The following RNF114 variants were observed in gnomAD, a reference collection of about 807,000 sequenced individuals.
The protein encoded by RNF114 is E3 ubiquitin-protein ligase RNF114.
In RNF114, 6 loss-of-function variants were observed where a neutral mutation model predicts 28.4. The ratio of observed to expected loss-of-function variants is 0.21; its 90% CI spans 0.12 to 0.42. The LOEUF (loss-of-function observed/expected upper bound fraction) is 0.42, where lower values mean the gene tolerates loss of function less well. RNF114 is among the 10% of genes least tolerant of loss of function. The probability of loss-of-function intolerance (pLI) is 1.00; values close to 1 mark genes in which losing one functional copy is unlikely to be tolerated. For missense variants in RNF114, 249 were observed against 311.7 expected, an observed-to-expected ratio of 0.80 and a Z score of 1.51; for synonymous variants, 115 against 116.7, an observed-to-expected ratio of 0.99 and a Z score of 0.09.
Position 49,953,563 on chromosome 20 carries a change from G to C in RNF114, c.*1422G>C. 1 of 152,058 alleles carries C rather than the reference G, an allele frequency of 6.6e-6. No individual in the cohort carries two copies. The highest frequency in any genetic ancestry group is 1.9e-4 in the East Asian group (1 of 5,186). The allele number at this position is 152,058 out of a possible 1,614,324, so 9.4% of individuals were successfully genotyped here. A position where few individuals can be genotyped will look rare whatever the true frequency, so the allele number is the denominator to read the frequency against. On this transcript the variant is annotated 3_prime_UTR_variant, in exon 6 of 6. Coordinates refer to ENST00000244061, the MANE Select transcript of RNF114 (RefSeq NM_018683.4). ...AAGCCAGCAAACACAGGGCCCACTG[G>C]AAAAAAATAGTTTTTTCATTAGTAT... is the stretch of plus-strand genomic sequence containing the variant.
intron 4 of RNF114, among the ~76,000 whole-genome samples, chr20:49,948,257 CTG>C (rs1465132149): frequency 1.3e-5 from 2 of 152,076 alleles, no homozygotes; most frequent in African/African-American, 4.8e-5. Context: ...CCCTTTATCA[CTG>C]TATCTTCCTT....
chr20:49,951,012 T>C (rs935661423), intron 5 of RNF114, among the ~76,000 whole-genome samples: 28 of 152,196 alleles, frequency 1.8e-4, no homozygotes, highest in African/African-American at 6.5e-4. Context: ...ATTCTTTCCC[T>C]AGAGCTGGAT....
At chr20:49,946,275 T>A (rs893172052) in intron 4 of RNF114, 25 bp downstream of exon 4, 38 of 1,150,042 alleles carry the variant, frequency 3.3e-5, no homozygotes, top group Non-Finnish European at 3.7e-5. Context: ...TTTTTTTTTT[T>A]AAACTTCATT....
chr20:49,943,239 A>G (rs187114555), intron 2 of RNF114, among the ~76,000 whole-genome samples: 1 of 152,230 alleles, frequency 6.6e-6, no homozygotes, highest in African/African-American at 2.4e-5. Flanking sequence ...GCTCATGCCT[A>G]TATCCTATCA....
intron 1 of RNF114, among the ~76,000 whole-genome samples, chr20:49,939,548 AC>A (rs1161746148): frequency 6.6e-6 from 1 of 152,104 alleles, no homozygotes; most frequent in Non-Finnish European, 1.5e-5. Context: ...TCTCAGCATT[AC>A]CATCTTCCTA....
At chr20:49,951,285 T>TG (rs201963091) in intron 5 of RNF114, among the ~76,000 whole-genome samples, 6,733 of 147,024 alleles carry the variant, frequency 0.046, 170 homozygotes, top group East Asian at 0.1. Flanking sequence ...CACAGATGAA[T>TG]TACATTCATC....
intron 1 of RNF114, 57 bp downstream of exon 1, chr20:49,936,609 C>G (rs1421624870): frequency 7.1e-6 from 11 of 1,552,658 alleles, no homozygotes; most frequent in African/African-American, 1.4e-5. Context: ...GGAATGGAGC[C>G]GAGGAGCGAG....
rs1343355471 is a variant in RNF114, at chr20:49,946,258, A to AT, written c.513+8_513+9insT. ...ACGGATACCAAATCTGTGGTGAGTA[A>AT]CCTTTTTTTTTTTTTTTAAACTTCA... is the stretch of plus-strand genomic sequence containing the variant. On this transcript the variant is annotated intron_variant, in intron 4 of 5. Transcript: ENST00000244061. The AT allele has an allele frequency of 6.6e-6, 9 of 1,357,826 alleles. No homozygotes were observed. The highest frequency in any genetic ancestry group is 9.1e-6 in the Non-Finnish European group (9 of 985,384). 84.1% of individuals were successfully genotyped at this position (1,357,826 alleles called of 1,614,324 possible).
chr20:49,950,441 G>A (rs1600872921), intron 5 of RNF114, among the ~76,000 whole-genome samples: 1 of 152,024 alleles, frequency 6.6e-6, no homozygotes, highest in South Asian at 2.1e-4. Context: ...GCATTTTTGG[G>A]AGGCTGAGGC....
intron 3 of RNF114, 103 bp from the exon 4 acceptor site, chr20:49,946,033 A>G (rs964727968): frequency 5.1e-6 from 3 of 584,832 alleles, no homozygotes; most frequent in African/African-American, 3.8e-5. Context: ...TTATCATTAC[A>G]CATTTGGTGA....
At chr20:49,942,823 C>T (rs962578267) in intron 2 of RNF114, among the ~76,000 whole-genome samples, 3 of 151,482 alleles carry the variant, frequency 2.0e-5, no homozygotes, top group African/African-American at 7.3e-5. Flanking sequence ...GACCCTGTCT[C>T]AAGGAAAAAA....
At position 49,952,516 on chromosome 20, in the gene RNF114, T is replaced by C. The variant is rs753312763; in HGVS notation, c.*375T>C. 2.4e-6 allele frequency: 1 copy of C among 422,354 alleles called. No individual in the cohort carries two copies. The highest frequency in any genetic ancestry group is 4.2e-6 in the Non-Finnish European group (1 of 235,622). The allele number at this position is 422,354 out of a possible 1,614,324, so 26.2% of individuals were successfully genotyped here. A position where few individuals can be genotyped will look rare whatever the true frequency, so the allele number is the denominator to read the frequency against. ...GGTCCTTCAAGCCAGCCAGGACCTT[T>C]TCTGGGTCATGAATAGCACAATGAA... On this transcript the variant is annotated 3_prime_UTR_variant, in exon 6 of 6. Transcript: ENST00000244061.
intron 4 of RNF114, 148 bp downstream of exon 4, chr20:49,946,398 G>A: frequency 1.0e-5 from 6 of 578,886 alleles, no homozygotes. Context: ...GCTTAACCAT[G>A]CTCTATAGTA....
chr20:49,948,468 T>TC (rs1036898751), intron 4 of RNF114, among the ~76,000 whole-genome samples: 31 of 151,012 alleles, frequency 2.1e-4, no homozygotes, highest in Admixed American at 1.9e-3. Context: ...TCTCACTCTG[T>TC]CACCCAGGCT....
At chr20:49,937,302 A>C (rs2090291150) in intron 1 of RNF114, among the ~76,000 whole-genome samples, 1 of 152,226 alleles carries the variant, frequency 6.6e-6, no homozygotes, top group Non-Finnish European at 1.5e-5. Flanking sequence ...TCAGACGCAC[A>C]AACACATCTG....
chr20:49,936,446 G>T lies in RNF114; in HGVS notation c.34G>T (p.Ala12Ser), dbSNP rs1468688558. The change falls in exon 1 of 6, where the codon GCG (alanine) becomes TCG (serine). Residue 12 changes from alanine (A) to serine (S), a missense_variant. This residue lies in a region of RNF114 where 123 missense variants were observed against 106.4 expected (regional missense o/e 1.16). Coordinates refer to ENST00000244061, the MANE Select transcript of RNF114 (RefSeq NM_018683.4). ...GCAACAGCGGGACTGCGGGGGTGCTGCGCAGCTGGCGGGGCCGGCGGCGGA... is the reference window on the plus strand; with the variant it reads ...GCAACAGCGGGACTGCGGGGGTGCTTCGCAGCTGGCGGGGCCGGCGGCGGA... ...AAQQRDCGGAAQLAGPAAEAD... is the reference protein window; with the variant it reads ...AAQQRDCGGASQLAGPAAEAD... 2.6e-6 allele frequency: 4 copies of T among 1,547,636 alleles called. No individual in the cohort carries two copies. Among genetic ancestry groups the T allele is most frequent in the Non-Finnish European group, 3.5e-6 (4 of 1,147,778 alleles).
chr20:49,941,525 A>G (rs761042784), intron 1 of RNF114, 36 bp from the exon 2 acceptor site: 1 of 1,541,712 alleles, frequency 6.5e-7, no homozygotes, highest in Non-Finnish European at 8.8e-7. Flanking sequence ...TGTCTCCATG[A>G]TGCGTGACAG....
At position 49,952,384 on chromosome 20, in the gene RNF114, T is replaced by G; in HGVS notation, c.*243T>G. ...GTTTGTCACACGGTCGAGTTCGTAT[T>G]GGTTCTCGGCTACTTCCTGGAGCTT... On this transcript the variant is annotated 3_prime_UTR_variant, in exon 6 of 6. Transcript: ENST00000244061. The G allele has an allele frequency of 1.8e-6, 1 of 551,598 alleles. No individual in the cohort carries two copies. The highest frequency in any genetic ancestry group is 3.3e-6 in the Non-Finnish European group (1 of 307,120). 34.2% of individuals were successfully genotyped at this position (551,598 alleles called of 1,614,324 possible). A position where few individuals can be genotyped will look rare whatever the true frequency, so the allele number is the denominator to read the frequency against.
chr20:49,939,389 T>TA (rs1221452430), intron 1 of RNF114, among the ~76,000 whole-genome samples: 1 of 152,160 alleles, frequency 6.6e-6, no homozygotes, highest in African/African-American at 2.4e-5. Flanking sequence ...AGGAGATTCT[T>TA]AGAGGCAGTA....
Sources: allele counts gnomAD v4.1 joint callset (sites outside exome capture counted in the v4.1 genomes callset), GRCh38; gene constraint gnomAD v4.1.1; regional missense constraint gnomAD v4.1.1; transcripts MANE v1.5; gene names NCBI Gene and HGNC (gene_info 2026-07-23, HGNC 2026-07-21).